EPHB1: variants seen among roughly 807,000 people sequenced by gnomAD.
EPHB1 encodes EPH receptor B1, also known as ephrin type-B receptor 1.
Under a neutral mutation model 94.4 loss-of-function variants are expected in EPHB1, and 30 were observed. The observed-to-expected ratio is 0.32, with a 90% CI of 0.24 to 0.43. EPHB1 has a LOEUF of 0.43. Among genes scored for constraint, EPHB1 ranks in the 20% least tolerant of loss-of-function variants. The pLI is 1.00. For missense variants in EPHB1, 1,055 were observed against 1,308.3 expected (o/e 0.81, Z 2.99); for synonymous variants, 522 against 489.1 (o/e 1.07, Z -0.89).
At chr3:135,011,991 A>G (rs573129483) in intron 3 of EPHB1, among the ~76,000 whole-genome samples, 1 of 152,260 alleles carries the variant, frequency 6.6e-6, no homozygotes, top group Admixed American at 6.5e-5. Context: ...AGCAATACTA[A>G]CTTGATTTTC....
chr3:135,039,271 A>C (rs908231915), intron 3 of EPHB1, among the ~76,000 whole-genome samples: 1 of 152,148 alleles, frequency 6.6e-6, no homozygotes, highest in African/African-American at 2.4e-5. Context: ...CCTTGAGCTA[A>C]ACACAGGGTG....
At chr3:135,046,624 A>G (rs556835484) in intron 3 of EPHB1, among the ~76,000 whole-genome samples, 69 of 152,318 alleles carry the variant, frequency 4.5e-4, no homozygotes, top group African/African-American at 1.6e-3. Flanking sequence ...TAATCCTTCA[A>G]TTGAGAAATA....
Position 135,088,520 on chromosome 3 carries a change from C to T in EPHB1, c.806-17928C>T, listed in dbSNP as rs146832664. ...AAATAAGTCCGGGTTGGATGGCACT[C>T]CATGGTGTGATGTTGGAAACCCAGG... On this transcript the variant is annotated intron_variant, in intron 3 of 15. Transcript: ENST00000398015. 1.9e-3 allele frequency among the ~76,000 whole-genome samples: 289 copies of T among 152,212 alleles called. 4 individuals carry two copies. The highest frequency in any genetic ancestry group is 6.7e-3 in the African/African-American group (280 of 41,532).
chr3:135,090,103 G>C (rs991157371), intron 3 of EPHB1, among the ~76,000 whole-genome samples: 3 of 152,214 alleles, frequency 2.0e-5, no homozygotes, highest in Non-Finnish European at 4.4e-5. Context: ...ATGATCTCAG[G>C]AGAGAATGTG....
In EPHB1 at chr3:135,133,116, A is replaced by T. The variant is rs908682827; in HGVS notation, c.1297+67A>T. The T allele has an allele frequency of 4.1e-6, 6 of 1,457,146 alleles. No individual in the cohort carries two copies. In the African/African-American group the frequency reaches 7.0e-5, roughly 17 times the overall value. The allele number at this position is 1,457,146 out of a possible 1,614,324, so 90.3% of individuals were successfully genotyped here. A position where few individuals can be genotyped will look rare whatever the true frequency, so the allele number is the denominator to read the frequency against. ...TGGCTCTTTGTCTCTAGGCAGGGAC[A>T]CAGCTGCAGCCACACCCATCCTGCC... is the stretch of plus-strand genomic sequence containing the variant. On this transcript the variant is annotated intron_variant, in intron 5 of 15. Transcript: ENST00000398015.
intron 5 of EPHB1, among the ~76,000 whole-genome samples, chr3:135,144,821 A>G (rs1940955598): frequency 6.6e-6 from 1 of 152,202 alleles, no homozygotes; most frequent in Non-Finnish European, 1.5e-5. Flanking sequence ...ACAACAGCAC[A>G]GAGCAGAGCT....
chr3:134,983,016 A>G (rs1173213159), intron 3 of EPHB1, among the ~76,000 whole-genome samples: 2 of 152,182 alleles, frequency 1.3e-5, no homozygotes, highest in African/African-American at 2.4e-5. Context: ...CTGCAATCCC[A>G]TGCTGTTCTT....
chr3:134,925,545 G>A (rs895767665), intron 1 of EPHB1, among the ~76,000 whole-genome samples: 1 of 152,208 alleles, frequency 6.6e-6, no homozygotes, highest in Non-Finnish European at 1.5e-5. Flanking sequence ...TCCTACACAG[G>A]AGCCTTGGGG....
chr3:135,091,012 A>G (rs1398351718), intron 3 of EPHB1, among the ~76,000 whole-genome samples: 1 of 152,218 alleles, frequency 6.6e-6, no homozygotes, highest in Non-Finnish European at 1.5e-5. Flanking sequence ...ACAGAAAGGG[A>G]AAATCTTAAT....
intron 1 of EPHB1, among the ~76,000 whole-genome samples, chr3:134,805,084 G>A (rs1028974841): frequency 1.3e-5 from 2 of 152,124 alleles, no homozygotes; most frequent in African/African-American, 2.4e-5. Context: ...TCTCATTGAC[G>A]CTGAGGCTGA....
intron 1 of EPHB1, among the ~76,000 whole-genome samples, chr3:134,846,026 G>A (rs2036865821): frequency 6.6e-6 from 1 of 152,166 alleles, no homozygotes; most frequent in Non-Finnish European, 1.5e-5. Flanking sequence ...GTCTTCTAAG[G>A]TGGTCACACC....
chr3:135,222,783 C>G (rs1444810200), intron 12 of EPHB1, among the ~76,000 whole-genome samples: 1 of 152,184 alleles, frequency 6.6e-6, no homozygotes, highest in African/African-American at 2.4e-5. Flanking sequence ...CAAGAGGAAG[C>G]ACAAAAATCC....
At chr3:134,893,445 C>T (rs2038026474) in intron 1 of EPHB1, among the ~76,000 whole-genome samples, 1 of 152,172 alleles carries the variant, frequency 6.6e-6, no homozygotes, top group Non-Finnish European at 1.5e-5. Flanking sequence ...GTCCAGCCTG[C>T]CTGATCTCCC....
intron 1 of EPHB1, among the ~76,000 whole-genome samples, chr3:134,883,013 G>A (rs1269038492): frequency 1.3e-5 from 2 of 151,786 alleles, no homozygotes. Flanking sequence ...TACTAGAGAT[G>A]GGGTTTCACC....
At chr3:134,919,422 T>C (rs2038632626) in intron 1 of EPHB1, among the ~76,000 whole-genome samples, 1 of 152,172 alleles carries the variant, frequency 6.6e-6, no homozygotes. Context: ...CAGTTTACAG[T>C]CAACCAATCC....
chr3:135,237,280 AC>A (rs1943678707), intron 12 of EPHB1, among the ~76,000 whole-genome samples: 1 of 25,172 alleles, frequency 4.0e-5, no homozygotes, highest in Non-Finnish European at 1.1e-4. Context: ...CAAATTCTAC[AC>A]ACACACACAC....
intron 9 of EPHB1, among the ~76,000 whole-genome samples, chr3:135,167,854 C>G (rs771967725): frequency 2.0e-5 from 3 of 152,174 alleles, no homozygotes; most frequent in Non-Finnish European, 4.4e-5. Flanking sequence ...CACCTCAACC[C>G]CCTTGTTGCA....
intron 3 of EPHB1, among the ~76,000 whole-genome samples, chr3:134,977,502 G>T (rs1934234471): frequency 6.6e-6 from 1 of 152,156 alleles, no homozygotes; most frequent in South Asian, 2.1e-4. Context: ...CAGTGGCCAG[G>T]ACATCCTTGT....
Position 135,000,721 on chromosome 3 carries a change from G to C in EPHB1, c.805+48669G>C, listed in dbSNP as rs553267644. Reference sequence around the variant, plus strand: ...CAGTTGGCCCGTCTTGCATGGTTCTGTGTATGCACATCAATTACACACATT... The same window carrying C: ...CAGTTGGCCCGTCTTGCATGGTTCTCTGTATGCACATCAATTACACACATT... On this transcript the variant is annotated intron_variant, in intron 3 of 15. Coordinates refer to ENST00000398015, the MANE Select transcript of EPHB1 (RefSeq NM_004441.5). Among the ~76,000 whole-genome samples the C allele has an allele frequency of 5.3e-5, 8 of 152,250 alleles. No individual in the cohort carries two copies. In the South Asian group the frequency reaches 1.7e-3, roughly 32 times the overall value.
Sources: gnomAD v4.1 joint callset for allele counts (sites outside exome capture counted in the v4.1 genomes callset) on GRCh38, gnomAD v4.1.1 for gene constraint, MANE v1.5 for transcripts, NCBI Gene and HGNC (gene_info 2026-07-23, HGNC 2026-07-21) for gene names.